COL28A1: variants seen among roughly 807,000 people sequenced by gnomAD.
COL28A1 encodes collagen alpha-1(XXVIII) chain.
In COL28A1, 161 loss-of-function variants were observed where a neutral mutation model predicts 150.2. That is an observed-to-expected ratio of 1.07 (90% CI 0.94 to 1.22). The LOEUF (loss-of-function observed/expected upper bound fraction) is 1.22. Among genes scored for constraint, COL28A1 ranks in the 50% most tolerant of loss-of-function variants. COL28A1 has a pLI of 0.00. For synonymous variants in COL28A1, 552 were observed against 469.7 expected, an observed-to-expected ratio of 1.18 and a Z score of -2.26; for missense variants, 1,617 against 1,388.3, an observed-to-expected ratio of 1.16 and a Z score of -2.62.
chr7:7,369,185 G>GT (rs1781091142), intron 33 of COL28A1, among the ~76,000 whole-genome samples: 1 of 152,152 alleles, frequency 6.6e-6, no homozygotes, highest in Non-Finnish European at 1.5e-5. Flanking sequence ...GGACAAAGTG[G>GT]TAAGTCACAC....
At chr7:7,527,916 G>C (rs1447520092) in intron 3 of COL28A1, among the ~76,000 whole-genome samples, 1 of 151,902 alleles carries the variant, frequency 6.6e-6, no homozygotes, top group African/African-American at 2.4e-5. Context: ...CAAACCCTGT[G>C]ACAAAAAAAT....
chr7:7,451,611 G>A (rs1032821213), intron 18 of COL28A1, among the ~76,000 whole-genome samples: 5 of 151,890 alleles, frequency 3.3e-5, no homozygotes, highest in Non-Finnish European at 7.4e-5. Flanking sequence ...TAACGGCTGA[G>A]CCTTACTATA....
intron 23 of COL28A1, 110 bp downstream of exon 23, chr7:7,436,285 T>G (rs1029753137): frequency 8.1e-6 from 6 of 741,002 alleles, no homozygotes; most frequent in African/African-American, 3.6e-5. Context: ...TTCTTACATT[T>G]TAGTTAATCA....
intron 9 of COL28A1, among the ~76,000 whole-genome samples, chr7:7,507,645 A>G (rs969493773): frequency 6.6e-6 from 1 of 152,212 alleles, no homozygotes; most frequent in Non-Finnish European, 1.5e-5. Flanking sequence ...TCCCATAACC[A>G]GGAAACCCTT....
At chr7:7,345,453 TC>T in the COL28A1 span, among the ~76,000 whole-genome samples, 1 of 152,106 alleles carries the variant, frequency 6.6e-6, no homozygotes. Flanking sequence ...CTTCGTTCCT[TC>T]CAGTAGATCC....
At chr7:7,392,880 C>CT (rs1782626870) in intron 27 of COL28A1, among the ~76,000 whole-genome samples, 2 of 152,100 alleles carry the variant, frequency 1.3e-5, no homozygotes, top group Admixed American at 1.3e-4. Context: ...TTCCTCTAAC[C>CT]TTTTTTCAAG....
intron 27 of COL28A1, among the ~76,000 whole-genome samples, chr7:7,390,468 C>A (rs1273531275): frequency 6.6e-6 from 1 of 152,090 alleles, no homozygotes; most frequent in Non-Finnish European, 1.5e-5. Flanking sequence ...TTTGTTGGGT[C>A]TCTGCCAGGT....
At position 7,476,181 on chromosome 7, in the gene COL28A1, G is replaced by A. The variant is rs543895467; in HGVS notation, c.1233+931C>T. 4.6e-5 allele frequency among the ~76,000 whole-genome samples: 7 copies of A among 152,234 alleles called. No homozygotes were observed. The South Asian group carries it at 6.2e-4, about 14-fold the overall frequency. On this transcript the variant is annotated intron_variant, in intron 14 of 34. Transcript: ENST00000399429. ...CTTAGAAAGCAGCATGTACTTCTCCGGGCAGTATGTGTGTATATGCATGTG... is the reference window on the plus strand; with the variant it reads ...CTTAGAAAGCAGCATGTACTTCTCCAGGCAGTATGTGTGTATATGCATGTG...
At chr7:7,479,509 C>T (rs1032768107) in intron 13 of COL28A1, among the ~76,000 whole-genome samples, 8 of 152,152 alleles carry the variant, frequency 5.3e-5, no homozygotes, top group Non-Finnish European at 1.0e-4. Flanking sequence ...AATCATCACA[C>T]AGCTGTTTTA....
chr7:7,482,440 G>A (rs190587148), intron 13 of COL28A1, among the ~76,000 whole-genome samples: 7 of 151,712 alleles, frequency 4.6e-5, no homozygotes, highest in Middle Eastern at 6.8e-3. Context: ...CAGGAGAATC[G>A]CTTGAAGCCG....
intron 27 of COL28A1, among the ~76,000 whole-genome samples, chr7:7,392,750 T>G (rs201776092): frequency 7.9e-5 from 12 of 152,202 alleles, no homozygotes; most frequent in Non-Finnish European, 1.5e-4. Flanking sequence ...ATATCCTTTC[T>G]TCCACTTGAT....
intron 27 of COL28A1, among the ~76,000 whole-genome samples, chr7:7,390,839 C>A (rs1782499001): frequency 6.6e-6 from 1 of 152,084 alleles, no homozygotes; most frequent in Admixed American, 6.6e-5. Flanking sequence ...GCAGTGATAT[C>A]CCCTTTATCA....
intron 33 of COL28A1, among the ~76,000 whole-genome samples, chr7:7,360,773 C>CACACAT (rs1305826864): frequency 6.6e-6 from 1 of 152,122 alleles, no homozygotes; most frequent in East Asian, 1.9e-4. Context: ...CACACATATA[C>CACACAT]ACACATACAC....
chr7:7,374,903 C>T (rs1310601132), intron 31 of COL28A1, among the ~76,000 whole-genome samples: 1 of 152,128 alleles, frequency 6.6e-6, no homozygotes, highest in Non-Finnish European at 1.5e-5. Flanking sequence ...TGTCTTTTGG[C>T]TAATTTCTTT....
intron 27 of COL28A1, 104 bp downstream of exon 27, chr7:7,417,755 A>G (rs1784183447): frequency 1.1e-6 from 1 of 936,002 alleles, no homozygotes; most frequent in Non-Finnish European, 1.7e-6. Flanking sequence ...CGAGGCTCAC[A>G]ATAAATCTAT....
At chr7:7,350,951 G>T in the COL28A1 span, among the ~76,000 whole-genome samples, 1 of 152,034 alleles carries the variant, frequency 6.6e-6, no homozygotes, top group Non-Finnish European at 1.5e-5. Context: ...GCTTCTAGTC[G>T]ATTTCAGAGA....
intron 30 of COL28A1, among the ~76,000 whole-genome samples, chr7:7,378,166 A>G (rs548470713): frequency 3.9e-5 from 6 of 152,318 alleles, no homozygotes; most frequent in Admixed American, 1.3e-4. Context: ...AGAAATGCCA[A>G]TGTACAGTTG....
At chr7:7,541,554 T>C in the COL28A1 span, among the ~76,000 whole-genome samples, 13 of 152,302 alleles carry the variant, frequency 8.5e-5, no homozygotes, top group African/African-American at 3.1e-4. Context: ...TCTGCATGGG[T>C]CTTCAGGAAG....
At chr7:7,409,411 G>GT (rs1211463579) in intron 27 of COL28A1, among the ~76,000 whole-genome samples, 8 of 151,968 alleles carry the variant, frequency 5.3e-5, no homozygotes, top group Non-Finnish European at 8.8e-5. Context: ...ATATGAGTAG[G>GT]TGGGTAGGAG....
Sources: gnomAD v4.1 joint callset for allele counts (sites outside exome capture counted in the v4.1 genomes callset) on GRCh38, gnomAD v4.1.1 for gene constraint, MANE v1.5 for transcripts, NCBI Gene and HGNC (gene_info 2026-07-23, HGNC 2026-07-21) for gene names.